ACBD6: variants seen among roughly 807,000 people sequenced by gnomAD.
ACBD6 encodes acyl-CoA binding domain containing 6.
A neutral mutation model predicts 37.2 loss-of-function variants in ACBD6; 28 were observed. The observed-to-expected ratio is 0.75, with a 90% CI of 0.56 to 1.03. The LOEUF is 1.03. Ranked by LOEUF, ACBD6 falls within the 50% of genes least tolerant of loss-of-function variation. The probability of loss-of-function intolerance (pLI) is 0.00; values close to 1 mark genes in which losing one functional copy is unlikely to be tolerated. For synonymous variants in ACBD6, 113 were observed against 126.8 expected, an observed-to-expected ratio of 0.89 and a Z score of 0.73; for missense variants, 340 against 337.4, an observed-to-expected ratio of 1.01 and a Z score of -0.06.
At chr1:180,409,995 G>A (rs1184475490) in intron 5 of ACBD6, among the ~76,000 whole-genome samples, 1 of 152,222 alleles carries the variant, frequency 6.6e-6, no homozygotes, top group Non-Finnish European at 1.5e-5. Flanking sequence ...TGCTATTTCA[G>A]TGAGCATACA....
Position 180,358,422 on chromosome 1 carries a change from G to A in ACBD6, c.663+39094C>T, listed in dbSNP as rs1055158286. On this transcript the variant is annotated intron_variant, in intron 6 of 7. Coordinates refer to ENST00000367595, the MANE Select transcript of ACBD6 (RefSeq NM_032360.4). ...AGCCTGGGCAACAGAGCAAGACTCC[G>A]TCTCAAAAACAACAACAACAACAAC... Among the ~76,000 whole-genome samples the A allele has an allele frequency of 5.2e-5, 7 of 135,418 alleles. No individual in the cohort carries two copies. In the East Asian group the frequency reaches 6.5e-4, roughly 12 times the overall value. The allele number at this position is 135,418 out of a possible 152,430, so 88.8% of individuals were successfully genotyped here. A position where few individuals can be genotyped will look rare whatever the true frequency, so the allele number is the denominator to read the frequency against.
intron 7 of ACBD6, among the ~76,000 whole-genome samples, chr1:180,303,344 T>C (rs1308988881): frequency 4.0e-5 from 6 of 150,646 alleles, no homozygotes; most frequent in African/African-American, 1.5e-4. Context: ...ATCAACAAAA[T>C]TGATAGACTG....
intron 3 of ACBD6, among the ~76,000 whole-genome samples, chr1:180,447,877 T>A (rs1225352895): frequency 6.6e-6 from 1 of 151,958 alleles, no homozygotes; most frequent in African/African-American, 2.4e-5. Flanking sequence ...ATTTCTATAA[T>A]GTATCCAAAT....
At chr1:180,321,315 A>G (rs890808441) in intron 6 of ACBD6, among the ~76,000 whole-genome samples, 8 of 152,112 alleles carry the variant, frequency 5.3e-5, no homozygotes, top group Admixed American at 3.3e-4. Context: ...TTGTTTTTCT[A>G]CTTCTGTGAA....
intron 6 of ACBD6, among the ~76,000 whole-genome samples, chr1:180,352,216 G>A (rs1049874504): frequency 6.6e-6 from 1 of 152,126 alleles, no homozygotes. Flanking sequence ...GGAGATAGAC[G>A]ATGGTAATGA....
exon 14 of ACBD6, chr1:180,269,663 T>C (rs1033321907): frequency 3.3e-5 from 5 of 152,224 alleles, no homozygotes; most frequent in African/African-American, 4.8e-5. Flanking sequence ...TTTTTGGTGA[T>C]TGCATTATTT....
At chr1:180,388,709 G>A (rs983900836) in intron 6 of ACBD6, among the ~76,000 whole-genome samples, 1 of 151,806 alleles carries the variant, frequency 6.6e-6, no homozygotes, top group African/African-American at 2.4e-5. Context: ...CCAAAGTGCT[G>A]GGATTACAGG....
intron 6 of ACBD6, among the ~76,000 whole-genome samples, chr1:180,324,924 C>T (rs957575782): frequency 6.6e-6 from 1 of 152,012 alleles, no homozygotes; most frequent in African/African-American, 2.4e-5. Context: ...TATGTCATGC[C>T]ACTCTCTCCT....
intron 1 of ACBD6, among the ~76,000 whole-genome samples, chr1:180,500,826 C>A (rs1283543323): frequency 2.0e-5 from 2 of 101,252 alleles, no homozygotes; most frequent in Non-Finnish European, 4.1e-5. Context: ...CCCAGACCCT[C>A]TGTAAAAAAA....
intron 5 of ACBD6, among the ~76,000 whole-genome samples, chr1:180,405,636 C>T (rs996178325): frequency 1.6e-4 from 24 of 152,080 alleles, no homozygotes; most frequent in African/African-American, 5.8e-4. Flanking sequence ...ATTTAAAATA[C>T]TATTTAAATA....
chr1:180,404,085 G>T (rs939544814), intron 5 of ACBD6, among the ~76,000 whole-genome samples: 4 of 151,968 alleles, frequency 2.6e-5, no homozygotes, highest in African/African-American at 9.7e-5. Flanking sequence ...CGAGTAGCTG[G>T]GATTACAGAA....
chr1:180,435,787 C>A, intron 3 of ACBD6: 1 of 897,914 alleles, frequency 1.1e-6, no homozygotes. Context: ...CTGACAGCTG[C>A]TTCTCGGCTA....
At chr1:180,488,890 T>A (rs2102083688) in intron 3 of ACBD6, among the ~76,000 whole-genome samples, 1 of 152,344 alleles carries the variant, frequency 6.6e-6, no homozygotes, top group Middle Eastern at 3.4e-3. Flanking sequence ...CTTAGCTGGC[T>A]AATTTTAGGC....
chr1:180,453,335 A>C (rs887728439), intron 3 of ACBD6, among the ~76,000 whole-genome samples: 2 of 152,240 alleles, frequency 1.3e-5, no homozygotes, highest in African/African-American at 4.8e-5. Flanking sequence ...ATCTCAATAG[A>C]TGCAGAAAAG....
intron 5 of ACBD6, among the ~76,000 whole-genome samples, chr1:180,403,234 G>T (rs747527947): frequency 6.6e-6 from 1 of 152,116 alleles, no homozygotes. Context: ...TTTCTGGGGC[G>T]ACAGCAATGT....
At chr1:180,420,620 T>C (rs1247530003) in intron 4 of ACBD6, among the ~76,000 whole-genome samples, 1 of 152,190 alleles carries the variant, frequency 6.6e-6, no homozygotes, top group East Asian at 1.9e-4. Context: ...GCTGGAGAAC[T>C]GTCCAATATT....
chr1:180,492,635 T>C (rs886871390), intron 2 of ACBD6, among the ~76,000 whole-genome samples: 2 of 152,176 alleles, frequency 1.3e-5, no homozygotes, highest in Admixed American at 6.6e-5. Flanking sequence ...TGCATAGCTA[T>C]TAAATTTTGA....
intron 9 of ACBD6, chr1:180,278,827 A>G (rs534340076): frequency 6.7e-6 from 1 of 149,558 alleles, no homozygotes; most frequent in East Asian, 1.9e-4. Context: ...TGGGGAAAAA[A>G]AAGAAAAAAA....
chr1:180,312,806 C>T (rs1282686144), intron 7 of ACBD6, among the ~76,000 whole-genome samples: 1 of 152,112 alleles, frequency 6.6e-6, no homozygotes, highest in Non-Finnish European at 1.5e-5. Context: ...AAGCACTTTA[C>T]ACAGATTAAC....
Sources: gnomAD v4.1 joint callset for allele counts (sites outside exome capture counted in the v4.1 genomes callset) on GRCh38, gnomAD v4.1.1 for gene constraint, MANE v1.5 for transcripts, NCBI Gene and HGNC (gene_info 2026-07-23, HGNC 2026-07-21) for gene names.